ESR1: variants seen among roughly 807,000 people sequenced by gnomAD.
The protein encoded by ESR1 is estrogen receptor 1.
Under a neutral mutation model 52.7 loss-of-function variants are expected in ESR1, and 12 were observed. The ratio of observed to expected loss-of-function variants is 0.23; its 90% CI spans 0.15 to 0.37. The LOEUF (loss-of-function observed/expected upper bound fraction) is 0.37. Among genes scored for constraint, ESR1 ranks in the 10% least tolerant of loss-of-function variants. The pLI, the probability that ESR1 is intolerant of heterozygous loss-of-function variation, is 1.00. For missense variants in ESR1, 584 were observed against 779.7 expected (o/e 0.75, Z 2.99); for synonymous variants, 305 against 316.8 (o/e 0.96, Z 0.39).
intron 4 of ESR1, among the ~76,000 whole-genome samples, chr6:151,976,195 A>G (rs2039420660): frequency 6.6e-6 from 1 of 152,154 alleles, no homozygotes; most frequent in South Asian, 2.1e-4. Context: ...TCATTAAAAA[A>G]CAAATCTCAG....
At chr6:151,731,177 G>A (rs1275222767) in intron 2 of ESR1, among the ~76,000 whole-genome samples, 1 of 151,986 alleles carries the variant, frequency 6.6e-6, no homozygotes, top group Non-Finnish European at 1.5e-5. Flanking sequence ...AACATATAGT[G>A]AAACCCCCGT....
chr6:151,734,774 C>A (rs1433454058), intron 2 of ESR1, among the ~76,000 whole-genome samples: 1 of 151,984 alleles, frequency 6.6e-6, no homozygotes, highest in Non-Finnish European at 1.5e-5. Context: ...AGGCTTGAAC[C>A]ACCATGCCAG....
At chr6:151,919,788 A>G (rs991904520) in intron 3 of ESR1, among the ~76,000 whole-genome samples, 1 of 152,224 alleles carries the variant, frequency 6.6e-6, no homozygotes, top group African/African-American at 2.4e-5. Context: ...TTGAGGAAGG[A>G]ACATTTGGCT....
chr6:151,857,861 C>A (rs1451508621), intron 2 of ESR1, among the ~76,000 whole-genome samples: 2 of 152,106 alleles, frequency 1.3e-5, no homozygotes, highest in East Asian at 3.9e-4. Context: ...ATGTGTACTA[C>A]AAAATATTAA....
intron 5 of ESR1, among the ~76,000 whole-genome samples, chr6:152,015,263 G>A (rs1053215579): frequency 8.6e-5 from 13 of 151,996 alleles, no homozygotes; most frequent in South Asian, 2.1e-4. Context: ...CCACCATTAC[G>A]GTTCCTTATC....
At chr6:151,955,335 T>C (rs1168196377) in intron 4 of ESR1, among the ~76,000 whole-genome samples, 1 of 152,218 alleles carries the variant, frequency 6.6e-6, no homozygotes, top group Non-Finnish European at 1.5e-5. Context: ...AATGTGAATG[T>C]ACTTACTACC....
At chr6:151,880,816 C>A (rs768208031) in intron 3 of ESR1, 45 bp downstream of exon 3, 3 of 963,762 alleles carry the variant, frequency 3.1e-6, no homozygotes, top group South Asian at 2.6e-5. Flanking sequence ...GCCCTGGCCA[C>A]CGCCCAGTGC....
intron 6 of ESR1, among the ~76,000 whole-genome samples, chr6:152,093,152 G>A (rs1261653449): frequency 3.3e-5 from 5 of 151,814 alleles, no homozygotes; most frequent in African/African-American, 7.3e-5. Context: ...TGGCAGGCTC[G>A]TGTATTCCCA....
chr6:151,921,437 T>C (rs1218101475), intron 3 of ESR1, among the ~76,000 whole-genome samples: 1 of 152,218 alleles, frequency 6.6e-6, no homozygotes, highest in Non-Finnish European at 1.5e-5. Context: ...TATATTTCAC[T>C]GGGTATATAC....
intron 1 of ESR1, among the ~76,000 whole-genome samples, chr6:151,829,875 A>G (rs1013130371): frequency 6.6e-6 from 1 of 152,214 alleles, no homozygotes; most frequent in African/African-American, 2.4e-5. Flanking sequence ...AGATCTTTTC[A>G]TCACAATACT....
rs1018021627 is a variant in ESR1 at position 151,808,107 on chromosome 6, G to A, written c.195G>A (p.Ala65=). The change falls in exon 1 of 8, where the codon GCG becomes GCA. Residue 65 remains alanine (A), a synonymous_variant. Transcript: ENST00000206249. ...PEGAAYEFNA[A]AAANAQVYGQ... ...GCGCCGCCTACGAGTTCAACGCCGCGGCCGCCGCCAACGCGCAGGTCTACG... is the reference window on the plus strand; with the variant it reads ...GCGCCGCCTACGAGTTCAACGCCGCAGCCGCCGCCAACGCGCAGGTCTACG... 7 of 1,611,338 alleles carry A rather than the reference G, an allele frequency of 4.3e-6. No homozygotes were observed. The highest frequency in any genetic ancestry group is 1.3e-5 in the African/African-American group (1 of 74,900).
rs186537966 is a variant in ESR1 at position 152,015,332 on chromosome 6, T to C, written c.1235+3538T>C. Among the ~76,000 whole-genome samples the C allele has an allele frequency of 3.7e-3, 567 of 152,284 alleles. 2 individuals are homozygous for C. The highest frequency in any genetic ancestry group is 4.8e-3 in the South Asian group (23 of 4,824). On this transcript the variant is annotated intron_variant, in intron 5 of 7. Transcript: ENST00000206249. Reference sequence around the variant, plus strand: ...TGCCGTCTTTTTATAAAATCTTCCTTCAAACTTTCTCCTCTTCAGCCTTTA... The same window carrying C: ...TGCCGTCTTTTTATAAAATCTTCCTCCAAACTTTCTCCTCTTCAGCCTTTA...
chr6:152,045,326 A>G (rs2046140056), intron 5 of ESR1, among the ~76,000 whole-genome samples: 1 of 152,180 alleles, frequency 6.6e-6, no homozygotes, highest in African/African-American at 2.4e-5. Context: ...GAACCTGTGG[A>G]GTGAAGAGTT....
intron 2 of ESR1, among the ~76,000 whole-genome samples, chr6:151,872,117 G>A (rs1422038686): frequency 6.6e-6 from 1 of 152,190 alleles, no homozygotes; most frequent in Non-Finnish European, 1.5e-5. Flanking sequence ...ATTGTTGGAA[G>A]TGGAATTGCT....
chr6:151,842,588 T>C lies in ESR1; in HGVS notation c.453-9T>C, dbSNP rs759298793. The C allele has an allele frequency of 6.9e-5, 111 of 1,611,866 alleles. No individual in the cohort carries two copies. The highest frequency in any genetic ancestry group is 8.9e-5 in the Non-Finnish European group (105 of 1,179,174). On this transcript the variant is annotated splice_polypyrimidine_tract_variant and intron_variant, in intron 1 of 7. Coordinates refer to ENST00000206249, the MANE Select transcript of ESR1 (RefSeq NM_000125.4). ...AATGTTAATGGATTTACTGTTTTTT[T>C]CCCCCCAGGCCAAATTCAGATAATC...
chr6:151,706,181 C>A (rs780603144), intron 2 of ESR1, among the ~76,000 whole-genome samples: 1 of 152,188 alleles, frequency 6.6e-6, no homozygotes, highest in African/African-American at 2.4e-5. Flanking sequence ...CTTCCTATTG[C>A]GACATTCAGC....
At chr6:152,122,078 T>C (rs542844616) in intron 6 of ESR1, 7 of 352,404 alleles carry the variant, frequency 2.0e-5, no homozygotes, top group Admixed American at 8.1e-5. Flanking sequence ...AGCAGCACCA[T>C]GGGAAAGCTG....
At chr6:151,806,967 C>A (rs9340770), upstream of ESR1, among the ~76,000 whole-genome samples, 9,411 of 152,192 alleles carry the variant, frequency 0.062, 457 homozygotes, top group Non-Finnish European at 0.092. Flanking sequence ...TGTGGTCCAA[C>A]ATAAACACAC....
chr6:151,796,091 A>G (rs571987899), intron 2 of ESR1, among the ~76,000 whole-genome samples: 4 of 151,400 alleles, frequency 2.6e-5, no homozygotes, highest in South Asian at 4.2e-4. Context: ...GCGTGAACCC[A>G]GGAGGCGGAG....
Sources: allele counts gnomAD v4.1 joint callset (sites outside exome capture counted in the v4.1 genomes callset), GRCh38; gene constraint gnomAD v4.1.1; transcripts MANE v1.5; gene names NCBI Gene and HGNC (gene_info 2026-07-23, HGNC 2026-07-21).